Variants in PTPRD observed in about 807,000 individuals in gnomAD.
PTPRD encodes the protein protein tyrosine phosphatase receptor type D, also known as receptor-type tyrosine-protein phosphatase delta.
PTPRD carries 34 observed loss-of-function variants against 214.5 expected under a neutral mutation model. The ratio of observed to expected loss-of-function variants is 0.16; its 90% confidence interval spans 0.12 to 0.21. The LOEUF (loss-of-function observed/expected upper bound fraction) is 0.21. Ranked by LOEUF, PTPRD falls within the 10% of genes least tolerant of loss-of-function variation. The pLI is 1.00. For synonymous variants in PTPRD, 1,128 were observed against 845.7 expected (o/e 1.33, Z -5.79); for missense variants, 2,545 against 2,398.7 (o/e 1.06, Z -1.27).
intron 14 of PTPRD, among the ~76,000 whole-genome samples, chr9:8,531,742 T>A (rs1435456795): frequency 6.6e-6 from 1 of 152,112 alleles, no homozygotes; most frequent in African/African-American, 2.4e-5. Context: ...CAAGTTCATC[T>A]CTCGGAAGAA....
At chr9:10,231,451 C>T (rs1290893884) in intron 3 of PTPRD, among the ~76,000 whole-genome samples, 1 of 151,840 alleles carries the variant, frequency 6.6e-6, no homozygotes, top group East Asian at 1.9e-4. Context: ...ACTATCATCA[C>T]TCTGGTGGTA....
intron 5 of PTPRD, among the ~76,000 whole-genome samples, chr9:9,922,944 T>G (rs1602269121): frequency 7.6e-6 from 1 of 132,362 alleles, no homozygotes; most frequent in African/African-American, 2.7e-5. Flanking sequence ...TGTAATATAC[T>G]GCTAGTATTC....
At chr9:8,584,418 A>G (rs969368255) in intron 14 of PTPRD, among the ~76,000 whole-genome samples, 2 of 151,814 alleles carry the variant, frequency 1.3e-5, no homozygotes, top group African/African-American at 4.8e-5. Context: ...TGTGTGTAGT[A>G]CATATTGGTA....
chr9:8,341,363 A>G (rs1449341269), intron 40 of PTPRD, 95 bp from the exon 41 acceptor site: 2 of 1,329,354 alleles, frequency 1.5e-6, no homozygotes, highest in Non-Finnish European at 2.0e-6. Context: ...CCTTTTAGAT[A>G]TAAATCTTTT....
At chr9:9,485,389 T>C (rs1003769282) in intron 8 of PTPRD, among the ~76,000 whole-genome samples, 1 of 152,230 alleles carries the variant, frequency 6.6e-6, no homozygotes, top group African/African-American at 2.4e-5. Flanking sequence ...TAAATGCAGC[T>C]GGTTAAATCA....
At chr9:10,068,816 T>C (rs1455558188) in intron 3 of PTPRD, among the ~76,000 whole-genome samples, 1 of 151,986 alleles carries the variant, frequency 6.6e-6, no homozygotes, top group Non-Finnish European at 1.5e-5. Flanking sequence ...CTCCCTTTTT[T>C]TCACTCTGTT....
At chr9:9,637,656 C>G (rs987514581) in intron 7 of PTPRD, among the ~76,000 whole-genome samples, 3 of 152,186 alleles carry the variant, frequency 2.0e-5, no homozygotes, top group African/African-American at 7.2e-5. Flanking sequence ...ATGCCTGAGG[C>G]CTTTCCAGGC....
intron 9 of PTPRD, among the ~76,000 whole-genome samples, chr9:9,331,148 C>G (rs2042162299): frequency 6.6e-6 from 1 of 151,934 alleles, no homozygotes; most frequent in Admixed American, 6.6e-5. Flanking sequence ...CTCGGATTGC[C>G]ATGTGATAAT....
intron 7 of PTPRD, among the ~76,000 whole-genome samples, chr9:9,606,044 C>A (rs549117146): frequency 6.6e-6 from 1 of 152,154 alleles, no homozygotes; most frequent in South Asian, 2.1e-4. Flanking sequence ...AACTGTTCCA[C>A]AGTTTCTTTT....
intron 9 of PTPRD, among the ~76,000 whole-genome samples, chr9:9,191,549 T>C (rs2099935180): frequency 6.6e-6 from 1 of 152,272 alleles, no homozygotes; most frequent in South Asian, 2.1e-4. Flanking sequence ...AGTTAACTAA[T>C]ACATTTTATG....
chr9:9,535,282 A>G (rs2076284246), intron 8 of PTPRD, among the ~76,000 whole-genome samples: 1 of 152,124 alleles, frequency 6.6e-6, no homozygotes, highest in Non-Finnish European at 1.5e-5. Context: ...TTTTAGGTAG[A>G]AGTTTAATAT....
At position 10,033,767 on chromosome 9, in the gene PTPRD, A is replaced by C. The variant is rs536886851; in HGVS notation, c.-521T>G. 1 of 152,238 alleles carries C rather than the reference A, an allele frequency of 6.6e-6. No individual in the cohort carries two copies. Among genetic ancestry groups the C allele is most frequent in the Non-Finnish European group, 1.5e-5 (1 of 67,978 alleles). The allele number at this position is 152,238 out of a possible 1,614,324, so 9.4% of individuals were successfully genotyped here. ...ATGATTTTATAGCTGGAGGATGAAA[A>C]GTATCAGACTCCTCAAGATTTCCCT... On this transcript the variant is annotated 5_prime_UTR_variant, in exon 4 of 46. Transcript: ENST00000381196.
chr9:8,938,631 A>G (rs1376629477), intron 11 of PTPRD, among the ~76,000 whole-genome samples: 3 of 152,074 alleles, frequency 2.0e-5, no homozygotes, highest in Non-Finnish European at 2.9e-5. Flanking sequence ...AGCATTTAAT[A>G]GAAGGACACA....
chr9:8,471,359 T>A (rs181354684), intron 30 of PTPRD, among the ~76,000 whole-genome samples: 3 of 152,172 alleles, frequency 2.0e-5, no homozygotes, highest in Admixed American at 6.5e-5. Flanking sequence ...CAGGCATAGT[T>A]TGTTAGGGCC....
chr9:10,168,788 C>G lies in PTPRD; in HGVS notation c.-544-134998G>C, dbSNP rs1408678565. Among the ~76,000 whole-genome samples the G allele has an allele frequency of 3.3e-5, 5 of 152,208 alleles. No homozygotes were observed. In the East Asian group the frequency reaches 9.6e-4, roughly 29 times the overall value. On this transcript the variant is annotated intron_variant, in intron 3 of 45. Transcript: ENST00000381196. ...GTAAAACAAACTAGGAATTTCAGTT[C>G]TCTTTCTGAAAAATGAAGTATATAT...
chr9:8,795,191 G>T (rs1159080540), intron 11 of PTPRD, among the ~76,000 whole-genome samples: 1 of 151,868 alleles, frequency 6.6e-6, no homozygotes, highest in African/African-American at 2.4e-5. Flanking sequence ...TTTGAGATGA[G>T]TCTCACTCTG....
rs377273953 is a variant in PTPRD at position 10,109,993 on chromosome 9, A to T, written c.-544-76203T>A. On this transcript the variant is annotated intron_variant, in intron 3 of 45. Transcript: ENST00000381196. ...GAAAAAAAAAAAGCAGAAGAAGAAA[A>T]GTTTCTTTTCTCAAAGATGATGTCA... Among the ~76,000 whole-genome samples, 54 of 152,046 alleles carry T rather than the reference A, an allele frequency of 3.6e-4. No homozygotes were observed. In the East Asian group the frequency reaches 5.8e-3, roughly 16 times the overall value.
chr9:9,673,603 G>C (rs188338784), intron 7 of PTPRD, among the ~76,000 whole-genome samples: 1 of 151,592 alleles, frequency 6.6e-6, no homozygotes, highest in African/African-American at 2.4e-5. Context: ...TTGATATATT[G>C]AGAATAGATG....
intron 7 of PTPRD, among the ~76,000 whole-genome samples, chr9:9,680,050 T>C (rs1247973258): frequency 6.6e-6 from 1 of 151,924 alleles, no homozygotes; most frequent in Non-Finnish European, 1.5e-5. Flanking sequence ...TGAAATTTTC[T>C]CAAGATAAAT....
Sources: allele counts gnomAD v4.1 joint callset (sites outside exome capture counted in the v4.1 genomes callset), GRCh38; gene constraint gnomAD v4.1.1; transcripts MANE v1.5; gene names NCBI Gene and HGNC (gene_info 2026-07-23, HGNC 2026-07-21).